The following KCNK12 variants were observed in gnomAD, a reference collection of about 807,000 sequenced individuals.
KCNK12 encodes potassium channel subfamily K member 12.
KCNK12 carries 6 observed loss-of-function variants against 25.3 expected under a neutral mutation model. The ratio of observed to expected loss-of-function variants is 0.24; its 90% CI spans 0.13 to 0.47. KCNK12 has a LOEUF of 0.47. KCNK12 is among the 20% of genes least tolerant of loss of function. The pLI is 0.99. For missense variants in KCNK12, 444 were observed against 661.7 expected (o/e 0.67, Z 3.61); for synonymous variants, 331 against 311.1 (o/e 1.06, Z -0.67).
chr2:47,529,490 C>G lies in KCNK12; in HGVS notation c.392-7682G>C, dbSNP rs972072317. The stretch of plus-strand genomic sequence containing the variant: ...TATTTTGATTTAAATTTCCATTGAC[C>G]TAAAATTTTTGTGGTGGGCACTGCA... On this transcript the variant is annotated intron_variant, in intron 1 of 1. Coordinates refer to ENST00000327876, the MANE Select transcript of KCNK12 (RefSeq NM_022055.2). This position sits in a 1 kb window ranked among gnomAD's most constrained non-coding sequence, Gnocchi z 4.3. Among the ~76,000 whole-genome samples the G allele has an allele frequency of 6.6e-6, 1 of 152,112 alleles. No homozygotes were observed. Among genetic ancestry groups the G allele is most frequent in the Non-Finnish European group, 1.5e-5 (1 of 68,032 alleles).
At chr2:47,544,327 C>G (rs1669266024) in intron 1 of KCNK12, among the ~76,000 whole-genome samples, 2 of 152,236 alleles carry the variant, frequency 1.3e-5, no homozygotes, top group African/African-American at 2.4e-5. Context: ...CCAGCAAGGC[C>G]TCATAACCCA....
At chr2:47,554,466 T>C (rs1050997136) in intron 1 of KCNK12, among the ~76,000 whole-genome samples, 2 of 152,170 alleles carry the variant, frequency 1.3e-5, no homozygotes, top group African/African-American at 2.4e-5. Context: ...AAGTCAGCCA[T>C]GCCGTGACTC....
chr2:47,544,460 A>G (rs1669268712), intron 1 of KCNK12, among the ~76,000 whole-genome samples: 1 of 152,256 alleles, frequency 6.6e-6, no homozygotes, highest in Non-Finnish European at 1.5e-5. Context: ...CCAGGCCCCC[A>G]GTGATGGCTA....
intron 1 of KCNK12, chr2:47,534,990 C>T (rs61743128): frequency 0.01 from 2,303 of 226,396 alleles, 54 homozygotes; most frequent in African/African-American, 0.047. Context: ...AGCACAGCCT[C>T]GTCCTTTCCA....
chr2:47,520,973 G>T lies in KCNK12; in HGVS notation c.1227C>A (p.Phe409Leu), dbSNP rs1279862217. 2 of 1,318,798 alleles carry T rather than the reference G, an allele frequency of 1.5e-6. No homozygotes were observed. Among genetic ancestry groups the T allele is most frequent in the Non-Finnish European group, 1.9e-6 (2 of 1,030,730 alleles). The allele number at this position is 1,318,798 out of a possible 1,614,324, so 81.7% of individuals were successfully genotyped here. A position where few individuals can be genotyped will look rare whatever the true frequency, so the allele number is the denominator to read the frequency against. Residue 409 changes from phenylalanine to leucine, a missense_variant, in exon 2 of 2, where the codon TTC (phenylalanine) becomes TTA (leucine). This residue lies in a region of KCNK12 where 57 missense variants were observed against 68.9 expected (regional missense o/e 0.83). Coordinates refer to ENST00000327876, the MANE Select transcript of KCNK12 (RefSeq NM_022055.2). The surrounding 1 kb of genome is among the most constrained non-coding windows in gnomAD (Gnocchi z 5.0). ...TGCCCAGCGCGCCCACGCCGCCCGA[G>T]AAGCCGTTCTGGCGCGTGTTGACGC... is the stretch of plus-strand genomic sequence containing the variant. The part of the protein sequence containing the change: ...SVCVNTRQNG[F>L]SGGVGALGIM...
intron 1 of KCNK12, among the ~76,000 whole-genome samples, chr2:47,534,719 A>T (rs1669022739): frequency 1.3e-5 from 2 of 152,004 alleles, no homozygotes; most frequent in South Asian, 4.2e-4. Flanking sequence ...CAGGGCGCTC[A>T]TGTGGGGCTT....
intron 1 of KCNK12, among the ~76,000 whole-genome samples, chr2:47,531,793 C>G (rs1183156771): frequency 3.3e-5 from 5 of 152,214 alleles, no homozygotes; most frequent in African/African-American, 9.7e-5. Flanking sequence ...AGGCCACATC[C>G]TCACTCCTGT....
In KCNK12 at chr2:47,566,142, G is replaced by C. The variant is rs561737398; in HGVS notation, c.391+3799C>G. On this transcript the variant is annotated intron_variant, in intron 1 of 1. Coordinates refer to ENST00000327876, the MANE Select transcript of KCNK12 (RefSeq NM_022055.2). The surrounding 1 kb of genome is among the most constrained non-coding windows in gnomAD (Gnocchi z 4.1). ...GACTTTCTACACAGCCTGAACGGCT[G>C]CTGAATAATCACAGGCAAAATTTTC... 6 of 152,334 alleles carry C rather than the reference G, an allele frequency of 3.9e-5. No individual in the cohort carries two copies. The East Asian group carries it at 1.2e-3, about 29-fold the overall frequency. The allele number at this position is 152,334 out of a possible 1,614,324, so 9.4% of individuals were successfully genotyped here. A position where few individuals can be genotyped will look rare whatever the true frequency, so the allele number is the denominator to read the frequency against.
In KCNK12 at chr2:47,512,174, T is replaced by C. The variant is rs1331833110; in HGVS notation, c.*8733A>G. On this transcript the variant is annotated 3_prime_UTR_variant, in exon 2 of 2. Coordinates refer to ENST00000327876, the MANE Select transcript of KCNK12 (RefSeq NM_022055.2). ...GGCTGGTCCTGCTCCTCCCAGTCCA[T>C]GGAGAAAAAAGAATTGAACAAACTG... 2 of 1,135,698 alleles carry C rather than the reference T, an allele frequency of 1.8e-6. No homozygotes were observed. The highest frequency in any genetic ancestry group is 2.4e-6 in the Non-Finnish European group (2 of 816,382). 70.4% of individuals were successfully genotyped at this position (1,135,698 alleles called of 1,614,324 possible).
In KCNK12 at chr2:47,519,340, C is replaced by G. The variant is rs1056299066; in HGVS notation, c.*1567G>C. 1 of 152,168 alleles carries G rather than the reference C, an allele frequency of 6.6e-6. No homozygotes were observed. Among genetic ancestry groups the G allele is most frequent in the African/African-American group, 2.4e-5 (1 of 41,424 alleles). The allele number at this position is 152,168 out of a possible 1,614,324, so 9.4% of individuals were successfully genotyped here. A position where few individuals can be genotyped will look rare whatever the true frequency, so the allele number is the denominator to read the frequency against. On this transcript the variant is annotated 3_prime_UTR_variant, in exon 2 of 2. Transcript: ENST00000327876. ...GTGTGTGTGTTCCACGCACATTTGC[C>G]AGGGAGAGAGATTTCACAGCATGGC... is the stretch of plus-strand genomic sequence containing the variant.
At chr2:47,524,908 G>T in intron 1 of KCNK12, among the ~76,000 whole-genome samples, 1 of 152,108 alleles carries the variant, frequency 6.6e-6, no homozygotes, top group East Asian at 1.9e-4. Flanking sequence ...CTTCAAGCCT[G>T]GTGCATAGAT....
chr2:47,557,156 C>G lies in KCNK12; in HGVS notation c.391+12785G>C, dbSNP rs138874330. On this transcript the variant is annotated intron_variant, in intron 1 of 1. Transcript: ENST00000327876. The surrounding 1 kb of genome is among the most constrained non-coding windows in gnomAD (Gnocchi z 4.9). ...TCTCCTCCAAAACTTACGTTGAAAT[C>G]CAATGGCTATTGTAAGACTTTTAAG... Among the ~76,000 whole-genome samples, 623 of 152,298 alleles carry G rather than the reference C, an allele frequency of 4.1e-3. 10 individuals are homozygous for G. The highest frequency in any genetic ancestry group is 0.014 in the African/African-American group (589 of 41,550).
At position 47,513,059 on chromosome 2, in the gene KCNK12, G is replaced by T. The variant is rs876936; in HGVS notation, c.*7848C>A. ...CAGTGGCAAGGGAACACAAGTGATAGGTACAGATAGAAGTGTCTGATACTA... is the reference window on the plus strand; with the variant it reads ...CAGTGGCAAGGGAACACAAGTGATATGTACAGATAGAAGTGTCTGATACTA... On this transcript the variant is annotated 3_prime_UTR_variant, in exon 2 of 2. Coordinates refer to ENST00000327876, the MANE Select transcript of KCNK12 (RefSeq NM_022055.2). 0.51 allele frequency: 78,353 copies of T among 153,162 alleles called. 22,502 individuals carry two copies. The highest frequency in any genetic ancestry group is 0.78 in the African/African-American group (32,296 of 41,484). 9.5% of individuals were successfully genotyped at this position (153,162 alleles called of 1,614,324 possible).
In KCNK12 at chr2:47,513,892, C is replaced by G. The variant is rs1307463264; in HGVS notation, c.*7015G>C. Among the ~76,000 whole-genome samples, 2 of 152,198 alleles carry G rather than the reference C, an allele frequency of 1.3e-5. No individual in the cohort carries two copies. The highest frequency in any genetic ancestry group is 2.9e-5 in the Non-Finnish European group (2 of 68,030). On this transcript the variant is annotated 3_prime_UTR_variant, in exon 2 of 2. Coordinates refer to ENST00000327876, the MANE Select transcript of KCNK12 (RefSeq NM_022055.2). ...CCACGTCTCTGTGTTCTCACTAGCA[C>G]TACCTTGGTCCACCCTGCCATCTGC...
At chr2:47,564,994 CCT>C (rs1462958764) in intron 1 of KCNK12, 1 of 151,278 alleles carries the variant, frequency 6.6e-6, no homozygotes, top group East Asian at 1.9e-4. Context: ...GTAGCGAGGC[CCT>C]GTCTCTTAAA....
At position 47,511,005 on chromosome 2, in the gene KCNK12, C is replaced by T. The variant is rs1321608286; in HGVS notation, c.*9902G>A. 1 of 152,182 alleles carries T rather than the reference C, an allele frequency of 6.6e-6. No individual in the cohort carries two copies. The highest frequency in any genetic ancestry group is 6.5e-5 in the Admixed American group (1 of 15,286). The allele number at this position is 152,182 out of a possible 1,614,324, so 9.4% of individuals were successfully genotyped here. ...GTTGGCAACCAACATGTCCTAGCTC[C>T]TAGACCATAGAGGGCCAGATTCATG... On this transcript the variant is annotated 3_prime_UTR_variant, in exon 2 of 2. Coordinates refer to ENST00000327876, the MANE Select transcript of KCNK12 (RefSeq NM_022055.2). This position sits in a 1 kb window ranked among gnomAD's most constrained non-coding sequence, Gnocchi z 4.3.
chr2:47,557,162 G>A lies in KCNK12; in HGVS notation c.391+12779C>T, dbSNP rs1054212773. Among the ~76,000 whole-genome samples, 4 of 152,170 alleles carry A rather than the reference G, an allele frequency of 2.6e-5. No individual in the cohort carries two copies. Among genetic ancestry groups the A allele is most frequent in the Non-Finnish European group, 5.9e-5 (4 of 68,026 alleles). On this transcript the variant is annotated intron_variant, in intron 1 of 1. Transcript: ENST00000327876. This position sits in a 1 kb window ranked among gnomAD's most constrained non-coding sequence, Gnocchi z 4.9. ...CCAAAACTTACGTTGAAATCCAATGGCTATTGTAAGACTTTTAAGAGGTGA... is the reference window on the plus strand; with the variant it reads ...CCAAAACTTACGTTGAAATCCAATGACTATTGTAAGACTTTTAAGAGGTGA...
chr2:47,532,972 C>T (rs1335800082), intron 1 of KCNK12, among the ~76,000 whole-genome samples: 3 of 152,154 alleles, frequency 2.0e-5, no homozygotes, highest in Non-Finnish European at 2.9e-5. Flanking sequence ...CTCGGACCCT[C>T]GCTTCTCCCT....
chr2:47,556,185 A>G lies in KCNK12; in HGVS notation c.391+13756T>C, dbSNP rs1184057242. ...GAAGGAAGAATATACATGTTTGCATACCGATGGAGTATAAATTAACAATGC... is the reference window on the plus strand; with the variant it reads ...GAAGGAAGAATATACATGTTTGCATGCCGATGGAGTATAAATTAACAATGC... On this transcript the variant is annotated intron_variant, in intron 1 of 1. Transcript: ENST00000327876. This position sits in a 1 kb window ranked among gnomAD's most constrained non-coding sequence, Gnocchi z 4.8. 6.6e-6 allele frequency among the ~76,000 whole-genome samples: 1 copy of G among 152,192 alleles called. No individual in the cohort carries two copies. The highest frequency in any genetic ancestry group is 1.5e-5 in the Non-Finnish European group (1 of 68,032).
Sources: allele counts gnomAD v4.1 joint callset (sites outside exome capture counted in the v4.1 genomes callset), GRCh38; gene constraint gnomAD v4.1.1; regional missense constraint gnomAD v4.1.1; non-coding constraint Gnocchi (gnomAD v3.1); transcripts MANE v1.5; gene names NCBI Gene and HGNC (gene_info 2026-07-23, HGNC 2026-07-21).